CEP112: variants seen among roughly 807,000 people sequenced by gnomAD.
CEP112 encodes the protein centrosomal protein 112.
Under a neutral mutation model 153.0 loss-of-function variants are expected in CEP112, and 127 were observed. The ratio of observed to expected loss-of-function variants is 0.83; its 90% CI spans 0.72 to 0.96. The LOEUF is 0.96. Among genes scored for constraint, CEP112 ranks in the 40% least tolerant of loss-of-function variants. The pLI is 0.00. For synonymous variants in CEP112, 358 were observed against 374.4 expected (o/e 0.96, Z 0.51); for missense variants, 1,089 against 1,101.2 (o/e 0.99, Z 0.16).
intron 16 of CEP112, among the ~76,000 whole-genome samples, chr17:66,026,711 AACCTAC>A (rs1488932357): frequency 7.2e-5 from 11 of 152,214 alleles, no homozygotes; most frequent in Non-Finnish European, 1.0e-4. Flanking sequence ...ATTTGCATAT[AACCTAC>A]ACACATCCTC....
At chr17:66,035,349 T>C (rs1210126627) in intron 12 of CEP112, among the ~76,000 whole-genome samples, 3 of 152,040 alleles carry the variant, frequency 2.0e-5, no homozygotes, top group Non-Finnish European at 4.4e-5. Flanking sequence ...ATGCATGTAT[T>C]GTAAGTACCG....
chr17:66,084,024 T>G (rs1295077011), intron 8 of CEP112, among the ~76,000 whole-genome samples: 1 of 152,148 alleles, frequency 6.6e-6, no homozygotes, highest in African/African-American at 2.4e-5. Flanking sequence ...GTAAGCATAA[T>G]ACAAAAACCA....
At chr17:65,725,936 G>T (rs145005768) in intron 23 of CEP112, among the ~76,000 whole-genome samples, 4 of 152,118 alleles carry the variant, frequency 2.6e-5, no homozygotes, top group Non-Finnish European at 5.9e-5. Flanking sequence ...GAGCCAAGCC[G>T]TATCAGCCAC....
intron 24 of CEP112, among the ~76,000 whole-genome samples, chr17:65,649,073 AACACACACACAC>A (rs71158400): frequency 7.0e-4 from 98 of 139,962 alleles, no homozygotes; most frequent in Middle Eastern, 3.8e-3. Context: ...CAAACAAACA[AACACACACACAC>A]ACACACACAC....
chr17:66,013,397 T>C (rs535836247), intron 16 of CEP112, among the ~76,000 whole-genome samples: 42 of 152,222 alleles, frequency 2.8e-4, no homozygotes, highest in African/African-American at 1.0e-3. Flanking sequence ...GGTTTTTGTT[T>C]TGTTTTGTTT....
chr17:66,023,253 A>G (rs1172028277), intron 16 of CEP112, among the ~76,000 whole-genome samples: 1 of 152,220 alleles, frequency 6.6e-6, no homozygotes. Context: ...AGTTTACCAT[A>G]AGAAATAGTC....
intron 20 of CEP112, among the ~76,000 whole-genome samples, chr17:65,900,243 T>C (rs2059797905): frequency 6.6e-6 from 1 of 152,218 alleles, no homozygotes; most frequent in Non-Finnish European, 1.5e-5. Context: ...AGAATGCATT[T>C]AGCCTGTTTC....
chr17:65,735,672 AAAT>A (rs1567937478), intron 23 of CEP112, among the ~76,000 whole-genome samples: 1 of 152,236 alleles, frequency 6.6e-6, no homozygotes, highest in African/African-American at 2.4e-5. Context: ...GTAGTGAAGA[AAAT>A]AATGACTAGT....
intron 23 of CEP112, among the ~76,000 whole-genome samples, chr17:65,696,314 C>A (rs916572552): frequency 6.6e-6 from 1 of 152,180 alleles, no homozygotes; most frequent in African/African-American, 2.4e-5. Context: ...TCTGGGCCTG[C>A]CCTGCATGAT....
chr17:65,970,374 A>ACATCATGCATGTAAATTACATGCACG (rs1568313556), intron 17 of CEP112, among the ~76,000 whole-genome samples: 2 of 69,458 alleles, frequency 2.9e-5, no homozygotes, highest in African/African-American at 4.0e-5. Context: ...TTACATGCAC[A>ACATCATGCATGTAAATTACATGCACG]CATCATGCAT....
chr17:66,012,963 A>G (rs1355887067), intron 16 of CEP112, among the ~76,000 whole-genome samples: 1 of 151,534 alleles, frequency 6.6e-6, no homozygotes, highest in Non-Finnish European at 1.5e-5. Context: ...GTTATTTCAG[A>G]TAGCTGTTCT....
intron 23 of CEP112, among the ~76,000 whole-genome samples, chr17:65,709,741 T>C (rs995447598): frequency 6.6e-6 from 1 of 152,224 alleles, no homozygotes; most frequent in Non-Finnish European, 1.5e-5. Flanking sequence ...TTGAGCGGCA[T>C]TATACAAAAT....
intron 21 of CEP112, among the ~76,000 whole-genome samples, chr17:65,766,577 GAC>G (rs1319544614): frequency 1.3e-5 from 2 of 152,006 alleles, no homozygotes; most frequent in African/African-American, 4.8e-5. Context: ...CCAATCCAAA[GAC>G]ACAGAGTAGT....
chr17:66,035,967 A>T (rs2065722713), intron 12 of CEP112, among the ~76,000 whole-genome samples: 1 of 152,242 alleles, frequency 6.6e-6, no homozygotes, highest in Non-Finnish European at 1.5e-5. Flanking sequence ...AACAATGTAA[A>T]TGTCCATGGA....
At position 65,864,569 on chromosome 17, in the gene CEP112, G is replaced by C. The variant is rs16962921; in HGVS notation, c.2164-12535C>G. ...TACAGTATGGAAGTGACTAACCTTTGGTCAGGCATTATCAGAACTGCTTCA... is the reference window on the plus strand; with the variant it reads ...TACAGTATGGAAGTGACTAACCTTTCGTCAGGCATTATCAGAACTGCTTCA... On this transcript the variant is annotated intron_variant, in intron 20 of 26. Transcript: ENST00000535342. Among the ~76,000 whole-genome samples the C allele has an allele frequency of 5.6e-3, 845 of 152,246 alleles. 7 individuals are homozygous for C. Among genetic ancestry groups the C allele is most frequent in the African/African-American group, 0.02 (814 of 41,528 alleles).
chr17:65,764,038 T>G (rs9894010), intron 21 of CEP112, among the ~76,000 whole-genome samples: 66,303 of 151,704 alleles, frequency 0.44, 15,250 homozygotes, highest in East Asian at 0.79. Flanking sequence ...TAAATGTCAC[T>G]GTGCTTCTCA....
intron 21 of CEP112, among the ~76,000 whole-genome samples, chr17:65,833,028 C>A (rs889958326): frequency 5.3e-5 from 8 of 152,104 alleles, no homozygotes; most frequent in Non-Finnish European, 1.2e-4. Context: ...AGACGTCATC[C>A]CCAGAATGCA....
chr17:65,712,559 C>G (rs887458237), intron 23 of CEP112, among the ~76,000 whole-genome samples: 1 of 152,140 alleles, frequency 6.6e-6, no homozygotes, highest in African/African-American at 2.4e-5. Flanking sequence ...CGTCACTATC[C>G]TCATCATGTA....
At chr17:66,089,137 C>T (rs8066775) in intron 8 of CEP112, among the ~76,000 whole-genome samples, 59,074 of 151,944 alleles carry the variant, frequency 0.39, 13,064 homozygotes, top group East Asian at 0.87. Flanking sequence ...TAGGAGAGAG[C>T]CCACCAATAG....
Sources: allele counts gnomAD v4.1 joint callset (sites outside exome capture counted in the v4.1 genomes callset), GRCh38; gene constraint gnomAD v4.1.1; transcripts MANE v1.5; gene names NCBI Gene and HGNC (gene_info 2026-07-23, HGNC 2026-07-21).